EMX1: variants seen among roughly 807,000 people sequenced by gnomAD.
EMX1 encodes homeobox protein EMX1.
A neutral mutation model predicts 20.1 loss-of-function variants in EMX1; 10 were observed. That is an observed-to-expected ratio of 0.50 (90% confidence interval 0.31 to 0.84). EMX1 has a LOEUF of 0.84. Among genes scored for constraint, EMX1 ranks in the 40% least tolerant of loss-of-function variants. EMX1 has a pLI of 0.05. For synonymous variants in EMX1, 250 were observed against 200.4 expected (o/e 1.25, Z -2.09); for missense variants, 424 against 431.9 (o/e 0.98, Z 0.16).
chr2:72,924,454 G>C lies in EMX1; in HGVS notation c.666G>C (p.Arg222=), dbSNP rs1469408362. ...ACCACTACGTGGTGGGCGCCGAGCG[G>C]AAGCAGCTGGCCGGCAGTCTCAGCC... is the stretch of plus-strand genomic sequence containing the variant. ...EKNHYVVGAE[R]KQLAGSLSLS... The change falls in exon 2 of 3, where the codon CGG becomes CGC. Residue 222 remains arginine, a synonymous_variant. Coordinates refer to ENST00000258106, the MANE Select transcript of EMX1 (RefSeq NM_004097.3). The C allele has an allele frequency of 2.5e-6, 4 of 1,596,268 alleles. No individual in the cohort carries two copies. In the African/African-American group the frequency reaches 5.3e-5, roughly 21 times the overall value.
At chr2:72,933,135 C>G (rs1378803801) in intron 2 of EMX1, 2 of 152,244 alleles carry the variant, frequency 1.3e-5, no homozygotes, top group Non-Finnish European at 2.9e-5. Context: ...GAAAGCCTCC[C>G]CTGAAGGAGA....
chr2:72,923,863 C>A (rs981900235), intron 1 of EMX1: 16 of 265,166 alleles, frequency 6.0e-5, no homozygotes, highest in Non-Finnish European at 1.1e-4. Flanking sequence ...GAGGGAGATG[C>A]TTTGCGACCA....
intron 2 of EMX1, among the ~76,000 whole-genome samples, chr2:72,929,770 CTTGT>C (rs890194933): frequency 2.6e-5 from 4 of 152,190 alleles, no homozygotes; most frequent in East Asian, 1.9e-4. Flanking sequence ...CCATAGTTTG[CTTGT>C]TTGTTAGTTC....
intron 2 of EMX1, among the ~76,000 whole-genome samples, chr2:72,927,559 A>G (rs1357638894): frequency 6.6e-6 from 1 of 152,258 alleles, no homozygotes; most frequent in Admixed American, 6.5e-5. Context: ...CCAAACATCA[A>G]TCTGTAGACC....
upstream of EMX1, chr2:72,916,304 G>A (rs1178924621): frequency 4.1e-5 from 10 of 246,268 alleles, 1 homozygote; most frequent in Non-Finnish European, 7.1e-5. Flanking sequence ...GCGTCAGGAG[G>A]CCCAACCCAG....
At position 72,925,929 on chromosome 2, in the gene EMX1, CAA is replaced by C. The variant is rs539435365; in HGVS notation, c.705+1437_705+1438del. 1.1e-3 allele frequency: 1,115 copies of C among 985,356 alleles called. 2 individuals are homozygous for C. The highest frequency in any genetic ancestry group is 5.9e-3 in the South Asian group (126 of 21,286). The allele number at this position is 985,356 out of a possible 1,614,324, so 61.0% of individuals were successfully genotyped here. A position where few individuals can be genotyped will look rare whatever the true frequency, so the allele number is the denominator to read the frequency against. Reference sequence around the variant, plus strand: ...AACTGCAGGGAAAAAGCTTACAAAACAAGAGTTAATTTTAAAAACGTTTCAAA... The same window carrying C: ...AACTGCAGGGAAAAAGCTTACAAAACGAGTTAATTTTAAAAACGTTTCAAA... On this transcript the variant is annotated intron_variant, in intron 2 of 2. Transcript: ENST00000258106.
intron 2 of EMX1, 117 bp downstream of exon 2, chr2:72,924,610 G>GC (rs1461471537): frequency 3.2e-6 from 4 of 1,255,034 alleles, no homozygotes; most frequent in Non-Finnish European, 4.3e-6. Context: ...GTTCCAAAAG[G>GC]CCCCCATTCC....
At chr2:72,916,933 G>C, upstream of EMX1, 1 of 717,394 alleles carries the variant, frequency 1.4e-6, no homozygotes, top group Non-Finnish European at 2.6e-6. Flanking sequence ...CTCCCGCGCA[G>C]TGCCCCGCCT....
At position 72,931,133 on chromosome 2, in the gene EMX1, T is replaced by C. The variant is rs1264482275; in HGVS notation, c.706-2654T>C. Among the ~76,000 whole-genome samples, 7 of 152,314 alleles carry C rather than the reference T, an allele frequency of 4.6e-5. No individual in the cohort carries two copies. In the East Asian group the frequency reaches 1.2e-3, roughly 25 times the overall value. On this transcript the variant is annotated intron_variant, in intron 2 of 2. Coordinates refer to ENST00000258106, the MANE Select transcript of EMX1 (RefSeq NM_004097.3). ...TCCCTGCCTCTAGAGAGATGCCTACTTGACCCCAGTATTTTTCATGGAGAA... is the reference window on the plus strand; with the variant it reads ...TCCCTGCCTCTAGAGAGATGCCTACCTGACCCCAGTATTTTTCATGGAGAA...
chr2:72,926,181 C>T, intron 2 of EMX1: 1 of 985,326 alleles, frequency 1.0e-6, no homozygotes, highest in Non-Finnish European at 1.2e-6. Flanking sequence ...GAAATAATGT[C>T]ATTGTTTTTA....
At chr2:72,928,535 G>C (rs6748324) in intron 2 of EMX1, among the ~76,000 whole-genome samples, 32,038 of 152,064 alleles carry the variant, frequency 0.21, 3,630 homozygotes, top group African/African-American at 0.24. Context: ...GTTTTAGGGG[G>C]AGTGAGAGAA....
chr2:72,924,328 C>G lies in EMX1; in HGVS notation c.540C>G (p.Asp180Glu). ...CCGCAGCCAGCGACGTGCCCCAGGA[C>G]GGGCTGCTTCTGCACGGCCCCTTCG... ...HRFQASDVPQ[D>E]GLLLHGPFAR... is the part of the protein sequence containing the mutation. The change falls in exon 2 of 3, where the codon GAC becomes GAG. Residue 180 changes from aspartate to glutamate, a missense_variant. Coordinates refer to ENST00000258106, the MANE Select transcript of EMX1 (RefSeq NM_004097.3). The G allele has an allele frequency of 6.4e-7, 1 of 1,573,256 alleles. No individual in the cohort carries two copies. Among genetic ancestry groups the G allele is most frequent in the Non-Finnish European group, 8.6e-7 (1 of 1,167,242 alleles).
rs6728203 is a variant in EMX1, at chr2:72,930,890, A to G, written c.706-2897A>G. 0.23 allele frequency among the ~76,000 whole-genome samples: 35,476 copies of G among 152,152 alleles called. 4,548 individuals are homozygous for G. The highest frequency in any genetic ancestry group is 0.31 in the African/African-American group (12,918 of 41,488). ...AAGAAAGAAACATCACCCACACTTT[A>G]GGTATATTTCCTTCTAGTCTTTTTT... On this transcript the variant is annotated intron_variant, in intron 2 of 2. Transcript: ENST00000258106. This position sits in a 1 kb window ranked among gnomAD's most constrained non-coding sequence, Gnocchi z 4.4.
upstream of EMX1, chr2:72,917,064 G>T: frequency 1.5e-6 from 1 of 659,450 alleles, no homozygotes; most frequent in Non-Finnish European, 2.8e-6. Context: ...GCCGATGGTG[G>T]GTGAGTGGGA....
At chr2:72,918,565 C>T (rs1158132309) in intron 1 of EMX1, among the ~76,000 whole-genome samples, 193 bp downstream of exon 1, 2 of 152,248 alleles carry the variant, frequency 1.3e-5, no homozygotes, top group South Asian at 4.1e-4. Context: ...GGTCTCCCTC[C>T]CAGGAAAGCA....
At chr2:72,931,396 C>G (rs1671278223) in intron 2 of EMX1, among the ~76,000 whole-genome samples, 1 of 152,240 alleles carries the variant, frequency 6.6e-6, no homozygotes, top group African/African-American at 2.4e-5. Context: ...CTGGTACTGC[C>G]CGCATCACCT....
At chr2:72,918,408 C>G (rs752281542) in intron 1 of EMX1, 36 bp downstream of exon 1, 7 of 1,361,568 alleles carry the variant, frequency 5.1e-6, no homozygotes, top group Non-Finnish European at 3.8e-6. Flanking sequence ...AGGCGGCCGG[C>G]CGGCGCCCGT....
chr2:72,924,632 C>A (rs756207739), intron 2 of EMX1, 139 bp downstream of exon 2: 2 of 1,060,630 alleles, frequency 1.9e-6, no homozygotes, highest in Non-Finnish European at 1.3e-6. Context: ...CGCGGCGCTG[C>A]GGTCAAGCCC....
rs759351069 is a variant in EMX1 at position 72,924,500 on chromosome 2, AC to A, written c.705+12del. On this transcript the variant is annotated splice_region_variant and intron_variant, in intron 2 of 2. Coordinates refer to ENST00000258106, the MANE Select transcript of EMX1 (RefSeq NM_004097.3). ...CAGCCTCTCCGAGACGCAGGTAATC[AC>A]CCCCGGTCGCGGCCTGCCCTGCGCC... The A allele has an allele frequency of 4.2e-5, 66 of 1,570,470 alleles. 2 individuals are homozygous for A. In the South Asian group the frequency reaches 7.4e-4, roughly 18 times the overall value.
Sources: allele counts gnomAD v4.1 joint callset (sites outside exome capture counted in the v4.1 genomes callset), GRCh38; gene constraint gnomAD v4.1.1; non-coding constraint Gnocchi (gnomAD v3.1); transcripts MANE v1.5; gene names NCBI Gene and HGNC (gene_info 2026-07-23, HGNC 2026-07-21).